SUGCT: variants seen among roughly 807,000 people sequenced by gnomAD.
The protein encoded by SUGCT is succinyl-CoA:glutarate-CoA transferase.
SUGCT carries 41 observed loss-of-function variants against 55.0 expected under a neutral mutation model. That is an observed-to-expected ratio of 0.74 (90% CI 0.58 to 0.97). The LOEUF (loss-of-function observed/expected upper bound fraction) is 0.97. Among genes scored for constraint, SUGCT ranks in the 50% least tolerant of loss-of-function variants. The probability of loss-of-function intolerance (pLI) is 0.00; values close to 1 mark genes in which losing one functional copy is unlikely to be tolerated. For missense variants in SUGCT, 568 were observed against 547.8 expected, an observed-to-expected ratio of 1.04 and a Z score of -0.37; for synonymous variants, 187 against 200.4, an observed-to-expected ratio of 0.93 and a Z score of 0.56.
At chr7:40,565,177 A>T (rs977894945) in intron 12 of SUGCT, among the ~76,000 whole-genome samples, 1 of 152,154 alleles carries the variant, frequency 6.6e-6, no homozygotes, top group African/African-American at 2.4e-5. Context: ...CGTTCTCTCA[A>T]TTTTTTACCA....
chr7:40,341,886 T>G (rs1201204355), intron 9 of SUGCT, among the ~76,000 whole-genome samples: 1 of 152,198 alleles, frequency 6.6e-6, no homozygotes, highest in African/African-American at 2.4e-5. Flanking sequence ...TCTTTTGGTT[T>G]TGATGGGCAA....
chr7:41,013,569 C>T, the SUGCT span, among the ~76,000 whole-genome samples: 1 of 151,986 alleles, frequency 6.6e-6, no homozygotes, highest in South Asian at 2.1e-4. Flanking sequence ...TGCATAAGTG[C>T]GCAGGTGTCT....
intron 10 of SUGCT, among the ~76,000 whole-genome samples, chr7:40,452,753 C>A (rs1416034496): frequency 6.6e-6 from 1 of 152,086 alleles, no homozygotes; most frequent in Admixed American, 6.5e-5. Context: ...CTCATGTGCA[C>A]TTAATAAATG....
chr7:40,267,062 GAA>G (rs1791636365), intron 7 of SUGCT, among the ~76,000 whole-genome samples: 3 of 149,342 alleles, frequency 2.0e-5, no homozygotes, highest in Non-Finnish European at 4.5e-5. Context: ...AAGAAAAAAA[GAA>G]AATAACACTG....
At chr7:40,287,829 G>A (rs1012666318) in intron 8 of SUGCT, among the ~76,000 whole-genome samples, 1 of 152,082 alleles carries the variant, frequency 6.6e-6, no homozygotes, top group African/African-American at 2.4e-5. Flanking sequence ...GGTCGAGGAA[G>A]TTCCCTCTGT....
At chr7:40,345,283 T>C (rs924341115) in intron 9 of SUGCT, among the ~76,000 whole-genome samples, 1 of 152,190 alleles carries the variant, frequency 6.6e-6, no homozygotes, top group Non-Finnish European at 1.5e-5. Flanking sequence ...CTCAGTCCCT[T>C]TCCTCCCCTA....
At chr7:40,749,015 A>G (rs1787875429) in intron 12 of SUGCT, among the ~76,000 whole-genome samples, 1 of 152,180 alleles carries the variant, frequency 6.6e-6, no homozygotes, top group African/African-American at 2.4e-5. Flanking sequence ...TTCCAGGAGC[A>G]TGTGTACCAC....
chr7:40,973,481 T>C, the SUGCT span, among the ~76,000 whole-genome samples: 1 of 152,222 alleles, frequency 6.6e-6, no homozygotes, highest in Admixed American at 6.5e-5. Context: ...AGGTGTATTG[T>C]CTTTAATATA....
the SUGCT span, among the ~76,000 whole-genome samples, chr7:40,967,879 A>T: frequency 2.0e-5 from 3 of 152,340 alleles, no homozygotes; most frequent in East Asian, 5.8e-4. Context: ...ACAGAAATAC[A>T]TACAATAACC....
At chr7:40,333,653 AAAAAAAAAAAAAAAAATAT>A (rs1253805773) in intron 9 of SUGCT, among the ~76,000 whole-genome samples, 2 of 56,692 alleles carry the variant, frequency 3.5e-5, no homozygotes, top group African/African-American at 7.6e-5. Flanking sequence ...AAAAAAAAAA[AAAAAAAAAAAAAAAAATAT>A]ATATATATAT....
chr7:40,398,709 C>T (rs533767144), intron 9 of SUGCT, among the ~76,000 whole-genome samples: 1 of 152,066 alleles, frequency 6.6e-6, no homozygotes, highest in African/African-American at 2.4e-5. Context: ...ATCATAATCA[C>T]AACAGCTATA....
chr7:40,478,771 C>A (rs73308209), intron 11 of SUGCT, among the ~76,000 whole-genome samples: 17,935 of 152,016 alleles, frequency 0.12, 2,549 homozygotes, highest in African/African-American at 0.34. Flanking sequence ...ATCTCCAGAA[C>A]GTATTTGTCC....
chr7:40,788,003 C>T (rs1790117262), intron 13 of SUGCT, among the ~76,000 whole-genome samples: 1 of 152,242 alleles, frequency 6.6e-6, no homozygotes, highest in Admixed American at 6.5e-5. Flanking sequence ...AAAGCCTGGA[C>T]TGTTATCTTC....
At chr7:40,460,603 C>T (rs1355815855) in intron 11 of SUGCT, among the ~76,000 whole-genome samples, 2 of 152,108 alleles carry the variant, frequency 1.3e-5, no homozygotes, top group East Asian at 3.9e-4. Context: ...GACCATACTG[C>T]GAGAAGAACA....
At chr7:40,193,280 G>GGTTT (rs1554286577) in intron 5 of SUGCT, among the ~76,000 whole-genome samples, 8 of 87,144 alleles carry the variant, frequency 9.2e-5, no homozygotes, top group Admixed American at 1.5e-4. Flanking sequence ...CAATTACTGT[G>GGTTT]TTTTTTTTTT....
At chr7:40,309,844 T>C (rs1294829988) in intron 8 of SUGCT, among the ~76,000 whole-genome samples, 1 of 149,294 alleles carries the variant, frequency 6.7e-6, no homozygotes, top group South Asian at 2.1e-4. Context: ...ACTGGAATAA[T>C]TTGATCAACA....
chr7:40,253,569 ATT>A, intron 7 of SUGCT, among the ~76,000 whole-genome samples: 1 of 150,486 alleles, frequency 6.6e-6, no homozygotes, highest in African/African-American at 2.4e-5. Context: ...ATATATTTAC[ATT>A]TTTTTTTTTG....
intron 11 of SUGCT, among the ~76,000 whole-genome samples, chr7:40,476,526 G>A (rs1421657242): frequency 6.6e-6 from 1 of 152,026 alleles, no homozygotes; most frequent in African/African-American, 2.4e-5. Flanking sequence ...ACAATTGTGA[G>A]TTCTTTTTTT....
At chr7:40,626,892 A>G (rs1433011927) in intron 12 of SUGCT, among the ~76,000 whole-genome samples, 1 of 152,212 alleles carries the variant, frequency 6.6e-6, no homozygotes, top group Non-Finnish European at 1.5e-5. Flanking sequence ...ATGTCTAGTT[A>G]AAGTTTTCAT....
Sources: allele counts gnomAD v4.1 joint callset (sites outside exome capture counted in the v4.1 genomes callset), GRCh38; gene constraint gnomAD v4.1.1; transcripts MANE v1.5; gene names NCBI Gene and HGNC (gene_info 2026-07-23, HGNC 2026-07-21).